Variants in SGCZ observed in about 807,000 individuals in gnomAD.
SGCZ encodes zeta-sarcoglycan.
In SGCZ, 40 loss-of-function variants were observed where a neutral mutation model predicts 41.3. The ratio of observed to expected loss-of-function variants is 0.97; its 90% CI spans 0.75 to 1.26. The LOEUF is 1.26. SGCZ is among the 50% of genes most tolerant of loss of function. The pLI, the probability that SGCZ is intolerant of heterozygous loss-of-function variation, is 0.00. For missense variants in SGCZ, 552 were observed against 369.8 expected, an observed-to-expected ratio of 1.49 and a Z score of -4.04; for synonymous variants, 206 against 137.5, an observed-to-expected ratio of 1.50 and a Z score of -3.49.
intron 2 of SGCZ, among the ~76,000 whole-genome samples, chr8:14,419,164 G>C (rs1228231200): frequency 6.6e-6 from 1 of 151,778 alleles, no homozygotes; most frequent in Non-Finnish European, 1.5e-5. Context: ...AAAATATAAA[G>C]GATGATCTAA....
intron 1 of SGCZ, among the ~76,000 whole-genome samples, chr8:14,930,695 A>T (rs1799899864): frequency 6.6e-6 from 1 of 152,008 alleles, no homozygotes; most frequent in Non-Finnish European, 1.5e-5. Context: ...AGGGACATGG[A>T]TGACGCTGGA....
intron 3 of SGCZ, among the ~76,000 whole-genome samples, chr8:14,259,241 C>G (rs1403712676): frequency 6.6e-6 from 1 of 152,126 alleles, no homozygotes; most frequent in African/African-American, 2.4e-5. Context: ...ATTGGACCCA[C>G]AAAAATGTAT....
intron 1 of SGCZ, among the ~76,000 whole-genome samples, chr8:14,920,361 C>G (rs910152068): frequency 6.6e-6 from 1 of 152,270 alleles, no homozygotes; most frequent in East Asian, 1.9e-4. Flanking sequence ...GTCTGCCTTA[C>G]AAAGAAAGCT....
chr8:14,312,045 A>G (rs1404837434), intron 3 of SGCZ, among the ~76,000 whole-genome samples: 1 of 152,120 alleles, frequency 6.6e-6, no homozygotes, highest in African/African-American at 2.4e-5. Flanking sequence ...TTATTTTAGT[A>G]GCTATTAGTG....
At position 14,109,512 on chromosome 8, in the gene SGCZ, T is replaced by A. The variant is rs138527982; in HGVS notation, c.548-1277A>T. Among the ~76,000 whole-genome samples, 691 of 152,318 alleles carry A rather than the reference T, an allele frequency of 4.5e-3. 5 individuals carry two copies. The highest frequency in any genetic ancestry group is 7.2e-3 in the Non-Finnish European group (487 of 68,026). ...CTTGCTTTAAGAACCTCATACCTGT[T>A]CCATCAGTGGCTTCAACACTAGATA... On this transcript the variant is annotated intron_variant, in intron 5 of 7. Transcript: ENST00000382080.
At chr8:14,589,175 A>G (rs552197088) in intron 1 of SGCZ, among the ~76,000 whole-genome samples, 1 of 152,066 alleles carries the variant, frequency 6.6e-6, no homozygotes, top group South Asian at 2.1e-4. Context: ...CCTCAAACTT[A>G]AAATAAATAT....
intron 5 of SGCZ, among the ~76,000 whole-genome samples, chr8:14,115,817 G>T (rs79257607): frequency 0.024 from 3,621 of 151,952 alleles, 135 homozygotes; most frequent in African/African-American, 0.083. Context: ...GTGGAAATTA[G>T]TAAATTCCTT....
chr8:14,247,708 G>C (rs1334825515), intron 3 of SGCZ, among the ~76,000 whole-genome samples: 2 of 152,118 alleles, frequency 1.3e-5, no homozygotes, highest in African/African-American at 4.8e-5. Context: ...TTCCACTCCA[G>C]CTGCCTCTTC....
intron 2 of SGCZ, among the ~76,000 whole-genome samples, chr8:14,486,489 T>G (rs1169093536): frequency 6.6e-6 from 1 of 152,190 alleles, no homozygotes; most frequent in East Asian, 1.9e-4. Context: ...ATAATAAAGA[T>G]CAAACATTAT....
chr8:14,583,352 G>C (rs1804956439), intron 1 of SGCZ, among the ~76,000 whole-genome samples: 1 of 151,954 alleles, frequency 6.6e-6, no homozygotes, highest in Middle Eastern at 3.2e-3. Context: ...TTTTTGATGG[G>C]GTTATATTTT....
intron 1 of SGCZ, among the ~76,000 whole-genome samples, chr8:15,083,636 C>T (rs2131049653): frequency 6.6e-6 from 1 of 152,264 alleles, no homozygotes; most frequent in South Asian, 2.1e-4. Flanking sequence ...GCAGCCTTGA[C>T]CTCCCAGGCT....
At chr8:14,992,584 T>C (rs567179088) in intron 1 of SGCZ, among the ~76,000 whole-genome samples, 1 of 151,188 alleles carries the variant, frequency 6.6e-6, no homozygotes, top group Non-Finnish European at 1.5e-5. Context: ...ATCCTCCTCA[T>C]CCAATATACT....
chr8:15,052,448 G>T (rs773435130), intron 1 of SGCZ, among the ~76,000 whole-genome samples: 1 of 152,174 alleles, frequency 6.6e-6, no homozygotes, highest in Non-Finnish European at 1.5e-5. Context: ...ACATGCTTCC[G>T]GATGTCCTGG....
chr8:14,118,193 C>T (rs1401007071), intron 5 of SGCZ, among the ~76,000 whole-genome samples: 1 of 152,084 alleles, frequency 6.6e-6, no homozygotes, highest in East Asian at 1.9e-4. Flanking sequence ...AATTTGCACT[C>T]CTACCAACAG....
intron 1 of SGCZ, among the ~76,000 whole-genome samples, chr8:14,929,097 T>C (rs942858194): frequency 2.0e-5 from 3 of 152,122 alleles, no homozygotes; most frequent in African/African-American, 4.8e-5. Flanking sequence ...GTTCAAGTGA[T>C]TCTCCTGCCT....
At chr8:14,634,388 G>A (rs960965564) in intron 1 of SGCZ, among the ~76,000 whole-genome samples, 3 of 151,278 alleles carry the variant, frequency 2.0e-5, no homozygotes, top group Non-Finnish European at 3.0e-5. Flanking sequence ...TGTTTTTTGT[G>A]TATTTTTTAA....
chr8:14,600,049 T>C (rs986568174), intron 1 of SGCZ, among the ~76,000 whole-genome samples: 2 of 152,162 alleles, frequency 1.3e-5, no homozygotes, highest in Admixed American at 6.5e-5. Context: ...AGCAAAGCTA[T>C]TCAAAAGTCA....
chr8:14,279,077 T>C (rs1447433036), intron 3 of SGCZ, among the ~76,000 whole-genome samples: 6 of 152,108 alleles, frequency 3.9e-5, no homozygotes, highest in African/African-American at 7.2e-5. Context: ...TCTCTTACTA[T>C]ATAATTTAAT....
At chr8:14,328,118 G>A (rs1802189693) in intron 2 of SGCZ, among the ~76,000 whole-genome samples, 1 of 152,182 alleles carries the variant, frequency 6.6e-6, no homozygotes, top group African/African-American at 2.4e-5. Flanking sequence ...TAGATGAAAT[G>A]ATAAAATGTA....
Sources: allele counts gnomAD v4.1 joint callset (sites outside exome capture counted in the v4.1 genomes callset), GRCh38; gene constraint gnomAD v4.1.1; transcripts MANE v1.5; gene names NCBI Gene and HGNC (gene_info 2026-07-23, HGNC 2026-07-21).